The following NRF1 variants were observed in gnomAD, a reference collection of about 807,000 sequenced individuals.
NRF1 encodes the protein alpha palindromic-binding protein.
NRF1 carries 5 observed loss-of-function variants against 58.5 expected under a neutral mutation model. That is an observed-to-expected ratio of 0.09 (90% confidence interval 0.04 to 0.18). NRF1 has a LOEUF of 0.18. Among genes scored for constraint, NRF1 ranks in the 10% least tolerant of loss-of-function variants. The pLI, the probability that NRF1 is intolerant of heterozygous loss-of-function variation, is 1.00. For synonymous variants in NRF1, 224 were observed against 246.7 expected (o/e 0.91, Z 0.86); for missense variants, 288 against 657.7 (o/e 0.44, Z 6.15).
intron 2 of NRF1, among the ~76,000 whole-genome samples, chr7:129,669,238 C>T (rs905964613): frequency 3.3e-5 from 5 of 152,226 alleles, no homozygotes; most frequent in East Asian, 1.9e-4. Context: ...TGAGCCACTG[C>T]GCCTGGCCAG....
At chr7:129,643,502 G>C (rs1031496087) in intron 1 of NRF1, among the ~76,000 whole-genome samples, 1 of 152,158 alleles carries the variant, frequency 6.6e-6, no homozygotes, top group Non-Finnish European at 1.5e-5. Context: ...GAGCAGCTGT[G>C]GACAAACAAT....
chr7:129,612,023 C>A (rs1800542948), intron 1 of NRF1, among the ~76,000 whole-genome samples, 199 bp downstream of exon 1: 1 of 149,648 alleles, frequency 6.7e-6, no homozygotes, highest in Admixed American at 6.6e-5. Flanking sequence ...CCCGAGGATG[C>A]GCAGGCCGCA....
chr7:129,752,827 T>A (rs1184945460), intron 10 of NRF1, among the ~76,000 whole-genome samples: 1 of 152,242 alleles, frequency 6.6e-6, no homozygotes, highest in African/African-American at 2.4e-5. Flanking sequence ...AGCCCACAGT[T>A]TTGTAGGCCA....
intron 1 of NRF1, among the ~76,000 whole-genome samples, chr7:129,612,557 T>A (rs145856272): frequency 1.3e-5 from 2 of 152,140 alleles, no homozygotes; most frequent in African/African-American, 2.4e-5. Context: ...GGAGCGACAT[T>A]GTGTTTTCTT....
intron 3 of NRF1, among the ~76,000 whole-genome samples, chr7:129,675,330 A>G (rs1802151105): frequency 1.3e-5 from 2 of 152,222 alleles, no homozygotes; most frequent in African/African-American, 2.4e-5. Flanking sequence ...AGTTCTTCCA[A>G]ACTTCCATTA....
intron 10 of NRF1, among the ~76,000 whole-genome samples, chr7:129,752,169 T>C (rs1804133228): frequency 6.6e-6 from 1 of 152,244 alleles, no homozygotes; most frequent in Non-Finnish European, 1.5e-5. Flanking sequence ...GGCTTATCCA[T>C]GGCTGTCCCT....
intron 2 of NRF1, among the ~76,000 whole-genome samples, chr7:129,665,093 T>C (rs1436562058): frequency 6.6e-6 from 1 of 152,214 alleles, no homozygotes; most frequent in Non-Finnish European, 1.5e-5. Flanking sequence ...GGAGGAAGGT[T>C]GTGACTGACA....
At chr7:129,749,825 T>C (rs746322613) in intron 10 of NRF1, among the ~76,000 whole-genome samples, 1 of 146,034 alleles carries the variant, frequency 6.8e-6, no homozygotes, top group Non-Finnish European at 1.5e-5. Context: ...TGTGTTGAGG[T>C]TTTTTTTTTT....
At chr7:129,673,709 T>C (rs1300612627) in intron 3 of NRF1, among the ~76,000 whole-genome samples, 2 of 74,696 alleles carry the variant, frequency 2.7e-5, no homozygotes, top group African/African-American at 1.1e-4. Context: ...AGAGCGAGAC[T>C]CCGTCTCAAA....
intron 4 of NRF1, among the ~76,000 whole-genome samples, chr7:129,688,240 C>T (rs1562970927): frequency 6.6e-6 from 1 of 152,188 alleles, no homozygotes; most frequent in Non-Finnish European, 1.5e-5. Context: ...CATCCTCCTA[C>T]CTCAGCCTCC....
chr7:129,617,293 C>T lies in NRF1; in HGVS notation c.-7+5469C>T, dbSNP rs139364747. ...TTTGCTTTTTAGAACTTTAAGAGTCCGTTTTGTTGCTGCTACTGAATGCTA... is the reference window on the plus strand; with the variant it reads ...TTTGCTTTTTAGAACTTTAAGAGTCTGTTTTGTTGCTGCTACTGAATGCTA... On this transcript the variant is annotated intron_variant, in intron 1 of 10. Transcript: ENST00000393232. 2.5e-4 allele frequency among the ~76,000 whole-genome samples: 38 copies of T among 152,138 alleles called. No homozygotes were observed. The South Asian group carries it at 5.0e-3, about 20-fold the overall frequency.
chr7:129,640,762 A>G (rs188943677), intron 1 of NRF1, among the ~76,000 whole-genome samples: 1 of 152,124 alleles, frequency 6.6e-6, no homozygotes, highest in African/African-American at 2.4e-5. Context: ...CCAATTAGAG[A>G]TGTGACTTTG....
chr7:129,696,768 A>G (rs907481167), intron 5 of NRF1, among the ~76,000 whole-genome samples: 5 of 152,226 alleles, frequency 3.3e-5, no homozygotes, highest in African/African-American at 1.2e-4. Flanking sequence ...AATCATCTAA[A>G]GAGAGTAAAT....
At chr7:129,679,549 A>T (rs990820369) in intron 4 of NRF1, among the ~76,000 whole-genome samples, 1 of 152,018 alleles carries the variant, frequency 6.6e-6, no homozygotes, top group Non-Finnish European at 1.5e-5. Flanking sequence ...GTGAAACCCC[A>T]TCTCTACTAA....
At chr7:129,700,917 A>G (rs1238062094) in intron 5 of NRF1, among the ~76,000 whole-genome samples, 2 of 152,202 alleles carry the variant, frequency 1.3e-5, no homozygotes, top group South Asian at 2.1e-4. Flanking sequence ...CCCTGTCTCA[A>G]AAAAGAAAGG....
chr7:129,690,439 C>T lies in NRF1; in HGVS notation c.499C>T (p.Leu167=), dbSNP rs1193699759. 6.2e-7 allele frequency: 1 copy of T among 1,613,956 alleles called. No homozygotes were observed. The highest frequency in any genetic ancestry group is 2.2e-5 in the East Asian group (1 of 44,888). ...GTACAAGAGCATGATCCTGGAAGAC[C>T]TGGAGTCTGCTCTGGCAGAACACGC... ...RKYKSMILED[L]ESALAEHAPA... The change falls in exon 5 of 11, where the codon CTG becomes TTG. Residue 167 remains leucine, a synonymous_variant. Transcript: ENST00000393232.
chr7:129,618,861 T>C (rs774301997), intron 1 of NRF1, among the ~76,000 whole-genome samples: 6 of 152,166 alleles, frequency 3.9e-5, no homozygotes, highest in African/African-American at 1.4e-4. Flanking sequence ...GTGTTTCATA[T>C]ACATCTTACA....
In NRF1 at chr7:129,621,781, A is replaced by AT. The variant is rs11286994; in HGVS notation, c.-7+9976dup. 5.5e-3 allele frequency among the ~76,000 whole-genome samples: 712 copies of AT among 128,654 alleles called. 3 individuals carry two copies. Among genetic ancestry groups the AT allele is most frequent in the Middle Eastern group, 0.016 (4 of 256 alleles). The allele number at this position is 128,654 out of a possible 152,430, so 84.4% of individuals were successfully genotyped here. A position where few individuals can be genotyped will look rare whatever the true frequency, so the allele number is the denominator to read the frequency against. ...TATTTTAAAAGTTTTTCTCCATAGA[A>AT]TTTTTTTTTTTTTTTTTTTGAGATA... is the stretch of plus-strand genomic sequence containing the variant. On this transcript the variant is annotated intron_variant, in intron 1 of 10. Coordinates refer to ENST00000393232, the MANE Select transcript of NRF1 (RefSeq NM_005011.5).
At chr7:129,673,629 A>T (rs1040387478) in intron 3 of NRF1, among the ~76,000 whole-genome samples, 1 of 145,726 alleles carries the variant, frequency 6.9e-6, no homozygotes, top group African/African-American at 2.5e-5. Context: ...AGGCAGGAGA[A>T]TGGCGTGAAC....
Sources: gnomAD v4.1 joint callset for allele counts (sites outside exome capture counted in the v4.1 genomes callset) on GRCh38, gnomAD v4.1.1 for gene constraint, MANE v1.5 for transcripts, NCBI Gene and HGNC (gene_info 2026-07-23, HGNC 2026-07-21) for gene names.